Variants in OMA1 observed in about 807,000 individuals in gnomAD.
OMA1 encodes OMA1 zinc metallopeptidase.
Under a neutral mutation model 30.9 loss-of-function variants are expected in OMA1, and 38 were observed. That is an observed-to-expected ratio of 1.23 (90% CI 0.95 to 1.61). OMA1 has a LOEUF of 1.61. OMA1 is among the 40% of genes most tolerant of loss of function. The pLI is 0.00. For missense variants in OMA1, 461 were observed against 349.2 expected (o/e 1.32, Z -2.55); for synonymous variants, 173 against 121.9 (o/e 1.42, Z -2.76).
chr1:58,526,314 G>C (rs1003643605), intron 7 of OMA1, among the ~76,000 whole-genome samples: 1 of 152,024 alleles, frequency 6.6e-6, no homozygotes, highest in African/African-American at 2.4e-5. Context: ...CTTGATTTAT[G>C]AAATTAAATC....
At chr1:58,483,383 C>T (rs1387324067) in intron 8 of OMA1, among the ~76,000 whole-genome samples, 4 of 152,110 alleles carry the variant, frequency 2.6e-5, no homozygotes, top group Non-Finnish European at 4.4e-5. Context: ...TAGTCAGATG[C>T]GAGCCAGATA....
intron 8 of OMA1, among the ~76,000 whole-genome samples, chr1:58,483,154 C>A (rs1250852946): frequency 6.6e-6 from 1 of 152,178 alleles, no homozygotes; most frequent in Non-Finnish European, 1.5e-5. Context: ...TTGCCACTAG[C>A]CTGCCATCTG....
intron 8 of OMA1, among the ~76,000 whole-genome samples, chr1:58,504,181 G>T (rs1447323189): frequency 6.6e-6 from 1 of 152,198 alleles, no homozygotes; most frequent in Non-Finnish European, 1.5e-5. Flanking sequence ...CCTATCACTT[G>T]AAGTGAAAGT....
Position 58,539,302 on chromosome 1 carries a change from C to G in OMA1, c.-8G>C. 1 of 814,882 alleles carries G rather than the reference C, an allele frequency of 1.2e-6. No individual in the cohort carries two copies. Among genetic ancestry groups the G allele is most frequent in the Non-Finnish European group, 2.1e-6 (1 of 481,560 alleles). The allele number at this position is 814,882 out of a possible 1,614,324, so 50.5% of individuals were successfully genotyped here. A position where few individuals can be genotyped will look rare whatever the true frequency, so the allele number is the denominator to read the frequency against. On this transcript the variant is annotated 5_prime_UTR_variant, in exon 2 of 9. Transcript: ENST00000371226. Reference sequence around the variant, plus strand: ...TCCACAGATGAAGCTCATTTTTTCACTTGACTACCTGAAACAAAAAAAAAA... The same window carrying G: ...TCCACAGATGAAGCTCATTTTTTCAGTTGACTACCTGAAACAAAAAAAAAA...
At position 58,487,272 on chromosome 1, in the gene OMA1, A is replaced by G. The variant is rs146047648; in HGVS notation, c.1366-6098T>C. 3.7e-4 allele frequency among the ~76,000 whole-genome samples: 57 copies of G among 152,336 alleles called. 1 individual carries two copies. In the East Asian group the frequency reaches 0.011, roughly 29 times the overall value. The stretch of plus-strand genomic sequence containing the variant: ...GGACACAGAAGTGAAGGAAAGAGGA[A>G]CTGAAGATGAGTCCTAAATTTCCTC... On this transcript the variant is annotated intron_variant, in intron 8 of 8. Transcript: ENST00000371226.
At chr1:58,485,749 G>A (rs1329046724) in intron 8 of OMA1, among the ~76,000 whole-genome samples, 2 of 152,016 alleles carry the variant, frequency 1.3e-5, no homozygotes, top group African/African-American at 2.4e-5. Context: ...GCTAGAATAT[G>A]TCTTTCCACT....
At chr1:58,488,876 A>C (rs1645623924) in intron 8 of OMA1, among the ~76,000 whole-genome samples, 1 of 152,170 alleles carries the variant, frequency 6.6e-6, no homozygotes, top group African/African-American at 2.4e-5. Flanking sequence ...AGAACATAAC[A>C]TTTTTATATT....
intron 7 of OMA1, among the ~76,000 whole-genome samples, chr1:58,514,723 A>G (rs574354965): frequency 2.6e-5 from 4 of 152,328 alleles, no homozygotes; most frequent in East Asian, 1.9e-4. Context: ...TGAGGCTGTT[A>G]TAAGATGTAA....
intron 7 of OMA1, among the ~76,000 whole-genome samples, chr1:58,521,428 G>GA (rs894134296): frequency 1.2e-4 from 18 of 150,430 alleles, no homozygotes; most frequent in African/African-American, 3.7e-4. Context: ...ATAAAATAAT[G>GA]AAAAAAAATG....
At chr1:58,522,200 T>C (rs1646275440) in intron 7 of OMA1, among the ~76,000 whole-genome samples, 2 of 152,096 alleles carry the variant, frequency 1.3e-5, no homozygotes, top group Admixed American at 6.5e-5. Context: ...TCAGGAAGAA[T>C]AGCTAATGGA....
chr1:58,539,815 C>T (rs1646576228), intron 1 of OMA1, among the ~76,000 whole-genome samples: 1 of 152,160 alleles, frequency 6.6e-6, no homozygotes, highest in African/African-American at 2.4e-5. Context: ...ACAATGCAGA[C>T]AGGGTAAACC....
intron 7 of OMA1, among the ~76,000 whole-genome samples, chr1:58,508,484 A>G (rs998498251): frequency 6.6e-6 from 1 of 152,152 alleles, no homozygotes; most frequent in African/African-American, 2.4e-5. Context: ...AACAACATCA[A>G]ACCTGGTAGA....
intron 3 of OMA1, 34 bp from the exon 4 acceptor site, chr1:58,534,365 G>T (rs925851593): frequency 3.7e-6 from 3 of 805,932 alleles, no homozygotes; most frequent in East Asian, 2.5e-5. Context: ...TATTTTAAAA[G>T]AGCACTACAA....
At chr1:58,489,491 G>A (rs1645638083) in intron 8 of OMA1, among the ~76,000 whole-genome samples, 1 of 152,210 alleles carries the variant, frequency 6.6e-6, no homozygotes, top group South Asian at 2.1e-4. Flanking sequence ...AGGCCTGCCT[G>A]CCTGTGTAGA....
At position 58,481,077 on chromosome 1, in the gene OMA1, G is replaced by T. The variant is rs1489447609; in HGVS notation, c.1463C>A (p.Ser488Ter). The T allele has an allele frequency of 1.1e-6, 1 of 871,812 alleles. No individual in the cohort carries two copies. The highest frequency in any genetic ancestry group is 1.3e-5 in the South Asian group (1 of 76,498). 54.0% of individuals were successfully genotyped at this position (871,812 alleles called of 1,614,324 possible). The change falls in exon 9 of 9, where the codon TCA becomes TAA. Residue 488 changes from serine to a stop codon, truncating the protein, a stop_gained. Coordinates refer to ENST00000371226, the MANE Select transcript of OMA1 (RefSeq NM_145243.5). LOFTEE classifies it high-confidence loss of function. The part of the protein sequence containing the change: ...KLSTKHFLEE[S>*]EKEDLNITKK... ...CGTGATATTTAGGTCTTCTTTCTCTGATTCTTCAAGAAAATGCTTCGTGCT... is the reference window on the plus strand; with the variant it reads ...CGTGATATTTAGGTCTTCTTTCTCTTATTCTTCAAGAAAATGCTTCGTGCT...
In OMA1 at chr1:58,506,217, C is replaced by A. The variant is rs1357156744; in HGVS notation, c.1216-8G>T. ...TCTTATGTCTGCACAAGCCTAAAAC[C>A]AAAATTAGTAAAACCACACAATGAG... is the stretch of plus-strand genomic sequence containing the variant. On this transcript the variant is annotated splice_polypyrimidine_tract_variant and splice_region_variant and intron_variant, in intron 7 of 8. Transcript: ENST00000371226. 3.5e-6 allele frequency: 3 copies of A among 860,326 alleles called. No individual in the cohort carries two copies. Among genetic ancestry groups the A allele is most frequent in the African/African-American group, 3.3e-5 (2 of 61,126 alleles). The allele number at this position is 860,326 out of a possible 1,614,324, so 53.3% of individuals were successfully genotyped here.
chr1:58,498,054 C>A lies in OMA1; in HGVS notation c.1365+8006G>T, dbSNP rs186355326. ...TTATTTTCTCCTCCCCTATAAGGCC[C>A]TGATATCTGGGCTTTATATCAAAAT... On this transcript the variant is annotated intron_variant, in intron 8 of 8. Coordinates refer to ENST00000371226, the MANE Select transcript of OMA1 (RefSeq NM_145243.5). 3.6e-3 allele frequency among the ~76,000 whole-genome samples: 555 copies of A among 152,128 alleles called. 4 individuals are homozygous for A. The highest frequency in any genetic ancestry group is 0.013 in the African/African-American group (532 of 41,488).
chr1:58,532,222 G>A (rs1278297534), intron 5 of OMA1, among the ~76,000 whole-genome samples: 1 of 152,142 alleles, frequency 6.6e-6, no homozygotes, highest in African/African-American at 2.4e-5. Context: ...ATATTGTGCT[G>A]ACAATGTTTA....
chr1:58,531,415 C>T (rs17117654), intron 5 of OMA1, among the ~76,000 whole-genome samples: 2 of 151,802 alleles, frequency 1.3e-5, no homozygotes, highest in Non-Finnish European at 2.9e-5. Context: ...TATCAGTTAC[C>T]AAAAAAGATT....
Sources: gnomAD v4.1 joint callset for allele counts (sites outside exome capture counted in the v4.1 genomes callset) on GRCh38, gnomAD v4.1.1 for gene constraint, MANE v1.5 for transcripts, NCBI Gene and HGNC (gene_info 2026-07-23, HGNC 2026-07-21) for gene names.